SHISA9: variants seen among roughly 807,000 people sequenced by gnomAD.
The protein encoded by SHISA9 is shisa family member 9, also known as protein shisa-9.
Under a neutral mutation model 38.0 loss-of-function variants are expected in SHISA9, and 13 were observed. The ratio of observed to expected loss-of-function variants is 0.34; its 90% confidence interval spans 0.22 to 0.54. The LOEUF (loss-of-function observed/expected upper bound fraction) is 0.54, where lower values mean the gene tolerates loss of function less well. Among genes scored for constraint, SHISA9 ranks in the 20% least tolerant of loss-of-function variants. The probability of loss-of-function intolerance (pLI) is 0.91; values close to 1 mark genes in which losing one functional copy is unlikely to be tolerated. For synonymous variants in SHISA9, 275 were observed against 242.0 expected (o/e 1.14, Z -1.27); for missense variants, 538 against 575.8 (o/e 0.93, Z 0.67).
chr16:13,305,713 G>T, the SHISA9 span, among the ~76,000 whole-genome samples: 1 of 152,148 alleles, frequency 6.6e-6, no homozygotes. Context: ...CCTTGTGAGG[G>T]ACCCCGACTC....
chr16:13,062,145 AT>A (rs1383093007), intron 2 of SHISA9, among the ~76,000 whole-genome samples: 1 of 152,024 alleles, frequency 6.6e-6, no homozygotes, highest in Non-Finnish European at 1.5e-5. Flanking sequence ...AACGGGTGGC[AT>A]TTTAGTGGAA....
intron 2 of SHISA9, among the ~76,000 whole-genome samples, chr16:12,972,289 AATGAAAGAGTATT>A (rs1213372991): frequency 6.6e-6 from 1 of 152,172 alleles, no homozygotes; most frequent in African/African-American, 2.4e-5. Flanking sequence ...AGAAGAGCAG[AATGAAAGAGTATT>A]CCAGCCAAGA....
the SHISA9 span, among the ~76,000 whole-genome samples, chr16:13,482,770 C>G: frequency 6.7e-6 from 1 of 148,196 alleles, no homozygotes; most frequent in Non-Finnish European, 1.5e-5. Context: ...CACTGCATTC[C>G]AGCCTTGGCA....
At chr16:13,453,446 T>G in the SHISA9 span, among the ~76,000 whole-genome samples, 1 of 152,208 alleles carries the variant, frequency 6.6e-6, no homozygotes, top group Non-Finnish European at 1.5e-5. Flanking sequence ...GTGTGAGTTT[T>G]TTCTTGCCTT....
At chr16:13,130,298 C>G (rs1320005374) in intron 2 of SHISA9, among the ~76,000 whole-genome samples, 1 of 152,150 alleles carries the variant, frequency 6.6e-6, no homozygotes, top group Non-Finnish European at 1.5e-5. Context: ...ATATTATTCT[C>G]AGGGAAGAAA....
the SHISA9 span, among the ~76,000 whole-genome samples, chr16:13,388,037 A>G: frequency 1.3e-5 from 2 of 152,118 alleles, no homozygotes; most frequent in African/African-American, 2.4e-5. Flanking sequence ...TGGTATTTCC[A>G]TGCTCATGGG....
At chr16:13,303,992 G>A in the SHISA9 span, among the ~76,000 whole-genome samples, 3 of 151,862 alleles carry the variant, frequency 2.0e-5, no homozygotes, top group Admixed American at 6.6e-5. Context: ...GATATTAATT[G>A]TTTAGGGAAA....
intron 2 of SHISA9, among the ~76,000 whole-genome samples, chr16:13,104,567 A>G (rs921515221): frequency 9.2e-5 from 14 of 152,234 alleles, no homozygotes; most frequent in African/African-American, 3.4e-4. Flanking sequence ...GTGATCCTCA[A>G]TAACAGTATG....
At chr16:12,997,217 G>C (rs1011764016) in intron 2 of SHISA9, among the ~76,000 whole-genome samples, 2 of 151,784 alleles carry the variant, frequency 1.3e-5, no homozygotes, top group Non-Finnish European at 1.5e-5. Context: ...CCCATATCTG[G>C]AGTCACAACA....
At position 13,019,945 on chromosome 16, in the gene SHISA9, TTCTTTCTTTCTTTCCC is replaced by T. The variant is rs1567184239; in HGVS notation, c.691+103133_691+103148del. 2.1e-3 allele frequency among the ~76,000 whole-genome samples: 171 copies of T among 79,832 alleles called. 10 individuals carry two copies. The highest frequency in any genetic ancestry group is 3.9e-3 in the Non-Finnish European group (135 of 34,910). 52.4% of individuals were successfully genotyped at this position (79,832 alleles called of 152,430 possible). A position where few individuals can be genotyped will look rare whatever the true frequency, so the allele number is the denominator to read the frequency against. ...TTTCTTTCTTTCTTTCTTTCTTTCT[TTCTTTCTTTCTTTCCC>T]TCCTTCTTTCCTTCCTTCCTTCCTT... On this transcript the variant is annotated intron_variant, in intron 2 of 4. Coordinates refer to ENST00000558583, the MANE Select transcript of SHISA9 (RefSeq NM_001145204.3).
chr16:13,235,439 C>G lies in SHISA9; in HGVS notation c.*30C>G, dbSNP rs1361531430. On this transcript the variant is annotated 3_prime_UTR_variant, in exon 5 of 5. Coordinates refer to ENST00000558583, the MANE Select transcript of SHISA9 (RefSeq NM_001145204.3). Reference sequence around the variant, plus strand: ...TCACCACAGGGAGCACCCTGGAGACCACACTCAACTGAGAGAGGCAAAAAA... The same window carrying G: ...TCACCACAGGGAGCACCCTGGAGACGACACTCAACTGAGAGAGGCAAAAAA... 1.1e-5 allele frequency: 16 copies of G among 1,513,232 alleles called. No homozygotes were observed. The highest frequency in any genetic ancestry group is 4.1e-5 in the Admixed American group (2 of 48,318). 93.7% of individuals were successfully genotyped at this position (1,513,232 alleles called of 1,614,324 possible).
At chr16:13,453,754 TATAGGGGACCAC>T in the SHISA9 span, among the ~76,000 whole-genome samples, 1 of 152,226 alleles carries the variant, frequency 6.6e-6, no homozygotes, top group Admixed American at 6.5e-5. Flanking sequence ...TGTTAAATGA[TATAGGGGACCAC>T]ATAGGAGAAG....
chr16:12,946,878 C>A (rs777353860), intron 2 of SHISA9, among the ~76,000 whole-genome samples: 1 of 152,232 alleles, frequency 6.6e-6, no homozygotes, highest in Non-Finnish European at 1.5e-5. Context: ...TGCTTGCCCC[C>A]TGTTATTGTA....
At chr16:13,232,804 T>TAA (rs1567258947) in intron 4 of SHISA9, among the ~76,000 whole-genome samples, 1 of 152,192 alleles carries the variant, frequency 6.6e-6, no homozygotes, top group African/African-American at 2.4e-5. Flanking sequence ...CAGGTGAAGA[T>TAA]AAAAGATTGT....
chr16:13,063,998 C>T (rs2141913920), intron 2 of SHISA9, among the ~76,000 whole-genome samples: 1 of 152,290 alleles, frequency 6.6e-6, no homozygotes, highest in South Asian at 2.1e-4. Context: ...TTTGTGTTGG[C>T]ACCAGAGGCC....
chr16:13,284,675 G>A, the SHISA9 span, among the ~76,000 whole-genome samples: 4 of 152,160 alleles, frequency 2.6e-5, no homozygotes, highest in South Asian at 8.3e-4. Context: ...TCAGCTCACT[G>A]CAGCCTCCGC....
intron 2 of SHISA9, among the ~76,000 whole-genome samples, chr16:13,055,828 T>A (rs1029500269): frequency 6.6e-6 from 1 of 152,240 alleles, no homozygotes; most frequent in Non-Finnish European, 1.5e-5. Flanking sequence ...TATTGTTTTT[T>A]AAGAAATCTC....
At chr16:12,909,466 C>T (rs573070351) in intron 1 of SHISA9, 59 of 985,394 alleles carry the variant, frequency 6.0e-5, no homozygotes, top group South Asian at 2.3e-4. Flanking sequence ...AGCAAGATAC[C>T]GGGACTCTGA....
chr16:13,326,340 A>G, the SHISA9 span, among the ~76,000 whole-genome samples: 34 of 152,356 alleles, frequency 2.2e-4, 1 homozygote, highest in East Asian at 6.4e-3. Flanking sequence ...ACGTAAAAGT[A>G]ACTATCATAG....
Sources: gnomAD v4.1 joint callset for allele counts (sites outside exome capture counted in the v4.1 genomes callset) on GRCh38, gnomAD v4.1.1 for gene constraint, MANE v1.5 for transcripts, NCBI Gene and HGNC (gene_info 2026-07-23, HGNC 2026-07-21) for gene names.